Variants in NCOA1 observed in about 807,000 individuals in gnomAD.
The protein encoded by NCOA1 is nuclear receptor coactivator 1, also known as Hin-2 protein.
A neutral mutation model predicts 150.9 loss-of-function variants in NCOA1; 35 were observed. The observed-to-expected ratio is 0.23, with a 90% CI of 0.18 to 0.31. The LOEUF (loss-of-function observed/expected upper bound fraction) is 0.31, where lower values mean the gene tolerates loss of function less well. NCOA1 is among the 10% of genes least tolerant of loss of function. The pLI, the probability that NCOA1 is intolerant of heterozygous loss-of-function variation, is 1.00. For missense variants in NCOA1, 1,491 were observed against 1,749.3 expected, an observed-to-expected ratio of 0.85 and a Z score of 2.63; for synonymous variants, 590 against 630.0, an observed-to-expected ratio of 0.94 and a Z score of 0.95.
At chr2:24,517,879 T>C (rs762338787) in intron 1 of NCOA1, among the ~76,000 whole-genome samples, 16 of 152,192 alleles carry the variant, frequency 1.1e-4, no homozygotes, top group Non-Finnish European at 1.5e-4. Flanking sequence ...AATGATAATA[T>C]AGTAATAGCA....
At chr2:24,551,926 C>A (rs375507659) in intron 1 of NCOA1, among the ~76,000 whole-genome samples, 5 of 152,036 alleles carry the variant, frequency 3.3e-5, no homozygotes, top group East Asian at 1.9e-4. Flanking sequence ...TATTGAGTTA[C>A]CCTGGTACTT....
In NCOA1 at chr2:24,769,823, AGCAAAGG is replaced by A; in HGVS notation, c.*1433_*1439del. ...AGCTTGAGAAAGGTATTGTGGAAGA[AGCAAAGG>A]TAGACCCCCATCACTCACCTTTGTC... On this transcript the variant is annotated 3_prime_UTR_variant, in exon 23 of 23. Coordinates refer to ENST00000348332, the MANE Select transcript of NCOA1 (RefSeq NM_003743.5). The A allele has an allele frequency of 4.5e-6, 1 of 223,668 alleles. No individual in the cohort carries two copies. Among genetic ancestry groups the A allele is most frequent in the Non-Finnish European group, 8.9e-6 (1 of 111,860 alleles). 13.9% of individuals were successfully genotyped at this position (223,668 alleles called of 1,614,324 possible).
At chr2:24,664,148 T>C (rs1162023433) in intron 5 of NCOA1, among the ~76,000 whole-genome samples, 1 of 152,258 alleles carries the variant, frequency 6.6e-6, no homozygotes, top group Non-Finnish European at 1.5e-5. Flanking sequence ...ATTTTATTCA[T>C]GCCTTGGTAT....
intron 14 of NCOA1, among the ~76,000 whole-genome samples, chr2:24,724,979 T>C (rs981023015): frequency 1.3e-5 from 2 of 152,116 alleles, no homozygotes; most frequent in African/African-American, 4.8e-5. Flanking sequence ...TTTGTCATGA[T>C]AGAGATGAGG....
At chr2:24,626,780 T>C (rs1410974249) in intron 3 of NCOA1, among the ~76,000 whole-genome samples, 1 of 152,190 alleles carries the variant, frequency 6.6e-6, no homozygotes, top group East Asian at 1.9e-4. Flanking sequence ...GATTAAGATT[T>C]TATATGTGGT....
chr2:24,550,977 C>G (rs960437743), intron 1 of NCOA1, among the ~76,000 whole-genome samples: 1 of 151,958 alleles, frequency 6.6e-6, no homozygotes, highest in Non-Finnish European at 1.5e-5. Flanking sequence ...GGCATGTAAT[C>G]TCAGCTACTT....
chr2:24,716,361 G>A (rs936669302), intron 14 of NCOA1, among the ~76,000 whole-genome samples: 12 of 151,792 alleles, frequency 7.9e-5, no homozygotes, highest in African/African-American at 2.7e-4. Flanking sequence ...TAGACATATA[G>A]ATCAATGCAA....
chr2:24,705,045 G>GT, intron 11 of NCOA1, 41 bp from the exon 12 acceptor site: 1 of 1,595,874 alleles, frequency 6.3e-7, no homozygotes, highest in East Asian at 2.2e-5. Context: ...CAGCGTATAA[G>GT]TATCAGAATT....
At chr2:24,729,969 C>A (rs1225015851) in intron 17 of NCOA1, among the ~76,000 whole-genome samples, 154 bp downstream of exon 17, 2 of 152,122 alleles carry the variant, frequency 1.3e-5, no homozygotes, top group Non-Finnish European at 2.9e-5. Flanking sequence ...CCTCAGACTC[C>A]CGAGTAGCTG....
At chr2:24,693,603 A>C (rs1672768833) in intron 10 of NCOA1, among the ~76,000 whole-genome samples, 1 of 152,164 alleles carries the variant, frequency 6.6e-6, no homozygotes. Context: ...ATTATTTTTC[A>C]AATCATGGAA....
At chr2:24,759,288 G>T (rs758143626) in intron 21 of NCOA1, among the ~76,000 whole-genome samples, 1 of 152,096 alleles carries the variant, frequency 6.6e-6, no homozygotes, top group Non-Finnish European at 1.5e-5. Flanking sequence ...AAGAAAAAAG[G>T]CCTGGTCAAA....
At chr2:24,742,587 G>A (rs1289706474) in intron 19 of NCOA1, among the ~76,000 whole-genome samples, 1 of 151,642 alleles carries the variant, frequency 6.6e-6, no homozygotes, top group Non-Finnish European at 1.5e-5. Flanking sequence ...CTCCCGAGTA[G>A]CTAGGATTAC....
intron 1 of NCOA1, among the ~76,000 whole-genome samples, 149 bp downstream of exon 1, chr2:24,491,751 C>G (rs1053378182): frequency 1.3e-5 from 2 of 151,400 alleles, no homozygotes; most frequent in Admixed American, 1.3e-4. Context: ...CCCACTTCCC[C>G]GAGTTCCCCT....
intron 1 of NCOA1, among the ~76,000 whole-genome samples, chr2:24,523,686 C>T (rs1165126193): frequency 2.2e-5 from 3 of 138,718 alleles, no homozygotes; most frequent in South Asian, 4.7e-4. Flanking sequence ...CCAGCACTTT[C>T]GGAGGCCGAG....
chr2:24,678,283 T>A (rs1386324836), intron 7 of NCOA1, among the ~76,000 whole-genome samples: 1 of 152,218 alleles, frequency 6.6e-6, no homozygotes, highest in East Asian at 1.9e-4. Context: ...TTATCCAGTC[T>A]ATCATTGATG....
intron 4 of NCOA1, among the ~76,000 whole-genome samples, chr2:24,646,267 A>G (rs1438090253): frequency 1.3e-5 from 2 of 152,136 alleles, no homozygotes; most frequent in Admixed American, 6.6e-5. Flanking sequence ...CTCTGTATTT[A>G]CTTTTCCTTT....
chr2:24,761,897 C>G (rs1664810486), intron 21 of NCOA1, among the ~76,000 whole-genome samples: 1 of 152,218 alleles, frequency 6.6e-6, no homozygotes, highest in Non-Finnish European at 1.5e-5. Context: ...GGGGTGAAAT[C>G]AGGGCTTATT....
intron 17 of NCOA1, among the ~76,000 whole-genome samples, chr2:24,732,443 G>C (rs17736503): frequency 1.3e-5 from 2 of 152,150 alleles, no homozygotes; most frequent in East Asian, 1.9e-4. Flanking sequence ...ATCGGGGCCT[G>C]TTCCTTCTCT....
At chr2:24,619,939 G>A (rs1242127500) in intron 3 of NCOA1, among the ~76,000 whole-genome samples, 2 of 152,012 alleles carry the variant, frequency 1.3e-5, no homozygotes, top group Non-Finnish European at 2.9e-5. Context: ...AAGTATCTTT[G>A]TTCTTTCTCA....
Sources: allele counts gnomAD v4.1 joint callset (sites outside exome capture counted in the v4.1 genomes callset), GRCh38; gene constraint gnomAD v4.1.1; transcripts MANE v1.5; gene names NCBI Gene and HGNC (gene_info 2026-07-23, HGNC 2026-07-21).